The following DSCAM variants were observed in gnomAD, a reference collection of about 807,000 sequenced individuals.
The protein encoded by DSCAM is DS cell adhesion molecule.
A neutral mutation model predicts 217.7 loss-of-function variants in DSCAM; 47 were observed. The ratio of observed to expected loss-of-function variants is 0.22; its 90% CI spans 0.17 to 0.28. DSCAM has a LOEUF of 0.28. Among genes scored for constraint, DSCAM ranks in the 10% least tolerant of loss-of-function variants. DSCAM has a pLI of 1.00. For synonymous variants in DSCAM, 1,056 were observed against 1,015.3 expected (o/e 1.04, Z -0.76); for missense variants, 2,080 against 2,618.3 (o/e 0.79, Z 4.49).
At chr21:40,797,926 T>C (rs1197881661) in intron 1 of DSCAM, among the ~76,000 whole-genome samples, 1 of 152,106 alleles carries the variant, frequency 6.6e-6, no homozygotes, top group Non-Finnish European at 1.5e-5. Flanking sequence ...GTACTAAGAA[T>C]TTTATCTTGT....
rs184914790 is a variant in DSCAM, at chr21:40,274,400, G to A, written c.2356+1697C>T. 1.8e-4 allele frequency among the ~76,000 whole-genome samples: 28 copies of A among 152,212 alleles called. No homozygotes were observed. The East Asian group carries it at 5.4e-3, about 29-fold the overall frequency. On this transcript the variant is annotated intron_variant, in intron 11 of 32. Transcript: ENST00000400454. The stretch of plus-strand genomic sequence containing the variant: ...GGTTATCTCCCCTTCCAAAACATGA[G>A]GCTTGTCACTCATGAGGGTAAGGCC...
At chr21:40,769,812 G>C (rs2091429006) in intron 1 of DSCAM, among the ~76,000 whole-genome samples, 1 of 152,290 alleles carries the variant, frequency 6.6e-6, no homozygotes, top group South Asian at 2.1e-4. Flanking sequence ...ACCCCCAGGT[G>C]GTTGTCTGAT....
At chr21:40,523,813 A>G (rs1404191545) in intron 3 of DSCAM, among the ~76,000 whole-genome samples, 4 of 152,062 alleles carry the variant, frequency 2.6e-5, no homozygotes, top group South Asian at 2.1e-4. Flanking sequence ...ACACACACAC[A>G]CACACACTGG....
chr21:40,095,573 G>T (rs1009735983), intron 20 of DSCAM, among the ~76,000 whole-genome samples: 4 of 152,160 alleles, frequency 2.6e-5, no homozygotes, highest in African/African-American at 9.7e-5. Flanking sequence ...ACTGCTAATG[G>T]GCGTGCAGTT....
chr21:40,557,284 T>C (rs1269214721), intron 3 of DSCAM, among the ~76,000 whole-genome samples: 1 of 152,138 alleles, frequency 6.6e-6, no homozygotes, highest in African/African-American at 2.4e-5. Flanking sequence ...TGCATTCCCC[T>C]TCTCTCGGGA....
intron 30 of DSCAM, among the ~76,000 whole-genome samples, chr21:40,050,237 C>T (rs561832122): frequency 2.0e-4 from 31 of 152,280 alleles, no homozygotes; most frequent in African/African-American, 6.3e-4. Flanking sequence ...AGGTGGAGAA[C>T]GAGACCCAGG....
intron 3 of DSCAM, among the ~76,000 whole-genome samples, chr21:40,603,546 A>T (rs60706851): frequency 6.6e-6 from 1 of 152,050 alleles, no homozygotes; most frequent in Non-Finnish European, 1.5e-5. Flanking sequence ...GACCCATGCT[A>T]TTTTCTTCTT....
chr21:40,094,439 G>A (rs1485344191), intron 20 of DSCAM, among the ~76,000 whole-genome samples: 1 of 152,120 alleles, frequency 6.6e-6, no homozygotes, highest in Non-Finnish European at 1.5e-5. Flanking sequence ...GAGTTCACAA[G>A]GAAGAGCACT....
intron 11 of DSCAM, among the ~76,000 whole-genome samples, chr21:40,266,519 G>T (rs1053647306): frequency 6.6e-6 from 1 of 151,016 alleles, no homozygotes; most frequent in African/African-American, 2.4e-5. Context: ...CAAAGGAAAA[G>T]AAGTCACTAT....
chr21:40,442,878 A>C, intron 3 of DSCAM, among the ~76,000 whole-genome samples: 1 of 152,200 alleles, frequency 6.6e-6, no homozygotes, highest in East Asian at 1.9e-4. Context: ...GAAATAATAC[A>C]GGATACATCT....
At chr21:40,573,333 G>C (rs1351434415) in intron 3 of DSCAM, among the ~76,000 whole-genome samples, 5 of 151,948 alleles carry the variant, frequency 3.3e-5, no homozygotes, top group African/African-American at 1.2e-4. Flanking sequence ...GCAAGACTCT[G>C]TCTCAAATAA....
chr21:40,507,626 C>CA (rs1356859374), intron 3 of DSCAM, among the ~76,000 whole-genome samples: 2 of 151,832 alleles, frequency 1.3e-5, no homozygotes, highest in African/African-American at 4.8e-5. Flanking sequence ...CCCCTCTCTA[C>CA]AAAAAACACA....
At chr21:40,653,987 C>T (rs1340969596) in intron 3 of DSCAM, among the ~76,000 whole-genome samples, 2 of 151,352 alleles carry the variant, frequency 1.3e-5, no homozygotes, top group African/African-American at 2.4e-5. Flanking sequence ...CCCAGCTACT[C>T]GGGAGGCTAA....
intron 3 of DSCAM, among the ~76,000 whole-genome samples, chr21:40,532,805 G>A (rs2076458241): frequency 6.6e-6 from 1 of 152,086 alleles, no homozygotes. Context: ...AGAGAAACCT[G>A]CAAATGGAAT....
At position 40,402,594 on chromosome 21, in the gene DSCAM, T is replaced by TAGGCAGACTGTGGCTCCTTGTAGATAA. The variant is rs1239662451; in HGVS notation, c.509-33376_509-33350dup. On this transcript the variant is annotated intron_variant, in intron 3 of 32. Transcript: ENST00000400454. ...GATACTGCTTTTCTTTACCTAAAGTTAGGCAGACTGTGGCTCCTTGTAGAT... is the reference window on the plus strand; with the variant it reads ...GATACTGCTTTTCTTTACCTAAAGTTAGGCAGACTGTGGCTCCTTGTAGATAAAGGCAGACTGTGGCTCCTTGTAGAT... Among the ~76,000 whole-genome samples the TAGGCAGACTGTGGCTCCTTGTAGATAA allele has an allele frequency of 5.9e-5, 9 of 152,118 alleles. No homozygotes were observed. The East Asian group carries it at 1.7e-3, about 29-fold the overall frequency.
chr21:40,353,757 A>C lies in DSCAM; in HGVS notation c.656-14T>G. 6.6e-7 allele frequency: 1 copy of C among 1,520,474 alleles called. No individual in the cohort carries two copies. Among genetic ancestry groups the C allele is most frequent in the African/African-American group, 1.4e-5 (1 of 71,130 alleles). The allele number at this position is 1,520,474 out of a possible 1,614,324, so 94.2% of individuals were successfully genotyped here. On this transcript the variant is annotated splice_polypyrimidine_tract_variant and intron_variant, in intron 4 of 32. Coordinates refer to ENST00000400454, the MANE Select transcript of DSCAM (RefSeq NM_001389.5). ...AGTTCGCTGGGTCTGTAGAAGAAATAAAAACTCTTAGAGGCAGGAATGAGG... is the reference window on the plus strand; with the variant it reads ...AGTTCGCTGGGTCTGTAGAAGAAATCAAAACTCTTAGAGGCAGGAATGAGG...
At chr21:40,571,122 A>G (rs2076803217) in intron 3 of DSCAM, among the ~76,000 whole-genome samples, 1 of 152,142 alleles carries the variant, frequency 6.6e-6, no homozygotes, top group African/African-American at 2.4e-5. Context: ...TCTTAAAAGT[A>G]GCAAGAAAAA....
At position 40,785,335 on chromosome 21, in the gene DSCAM, T is replaced by G. The variant is rs143607198; in HGVS notation, c.43+61284A>C. ...CTTCAGGAGCTGTAAGAGAAATTAT[T>G]CAATCCATCCTTGTACCCTTCCTTG... On this transcript the variant is annotated intron_variant, in intron 1 of 32. Transcript: ENST00000400454. Among the ~76,000 whole-genome samples, 551 of 152,294 alleles carry G rather than the reference T, an allele frequency of 3.6e-3. 4 individuals are homozygous for G. Among genetic ancestry groups the G allele is most frequent in the African/African-American group, 0.013 (523 of 41,564 alleles).
intron 4 of DSCAM, among the ~76,000 whole-genome samples, chr21:40,365,805 G>A (rs2837578): frequency 0.73 from 110,345 of 152,100 alleles, 40,449 homozygotes; most frequent in African/African-American, 0.82. Flanking sequence ...TAACAGCCAT[G>A]AGCAGATGTT....
Sources: gnomAD v4.1 joint callset for allele counts (sites outside exome capture counted in the v4.1 genomes callset) on GRCh38, gnomAD v4.1.1 for gene constraint, MANE v1.5 for transcripts, NCBI Gene and HGNC (gene_info 2026-07-23, HGNC 2026-07-21) for gene names.